Variants in ACOX1 observed in about 807,000 individuals in gnomAD.
ACOX1 encodes acyl-CoA oxidase 1.
Under a neutral mutation model 75.5 loss-of-function variants are expected in ACOX1, and 41 were observed. That is an observed-to-expected ratio of 0.54 (90% confidence interval 0.42 to 0.70). The LOEUF (loss-of-function observed/expected upper bound fraction) is 0.70, where lower values mean the gene tolerates loss of function less well. Among genes scored for constraint, ACOX1 ranks in the 30% least tolerant of loss-of-function variants. ACOX1 has a pLI of 0.00. For synonymous variants in ACOX1, 303 were observed against 298.8 expected (o/e 1.01, Z -0.15); for missense variants, 630 against 837.5 (o/e 0.75, Z 3.06).
intron 2 of ACOX1, among the ~76,000 whole-genome samples, chr17:75,971,679 T>C (rs1598199123): frequency 1.3e-5 from 2 of 150,720 alleles, no homozygotes; most frequent in South Asian, 2.1e-4. Context: ...GAGGTGGAGG[T>C]TGCAGTGAGC....
At chr17:75,946,866 TTTTG>T (rs979943145) in intron 13 of ACOX1, 71 bp from the exon 14 acceptor site, 56 of 1,439,536 alleles carry the variant, frequency 3.9e-5, no homozygotes, top group Admixed American at 1.8e-5. Flanking sequence ...TGTTTTTTGT[TTTTG>T]TTTTTGTTTT....
chr17:75,974,828 C>T (rs920914505), intron 2 of ACOX1, among the ~76,000 whole-genome samples: 4 of 144,434 alleles, frequency 2.8e-5, no homozygotes, highest in South Asian at 4.5e-4. Flanking sequence ...GTCAGGAGAT[C>T]GAGACCATCA....
intron 2 of ACOX1, among the ~76,000 whole-genome samples, chr17:75,969,433 T>C (rs749493873): frequency 1.3e-5 from 2 of 152,220 alleles, no homozygotes; most frequent in Non-Finnish European, 2.9e-5. Flanking sequence ...CCCAAAGTGC[T>C]GGGATTACAG....
At chr17:75,963,580 T>A (rs930617918) in intron 2 of ACOX1, among the ~76,000 whole-genome samples, 5 of 151,626 alleles carry the variant, frequency 3.3e-5, no homozygotes, top group Admixed American at 3.3e-4. Flanking sequence ...CAGCCTCTAA[T>A]CCCAGCTACT....
At position 75,949,292 on chromosome 17, in the gene ACOX1, A is replaced by G. The variant is rs763887291; in HGVS notation, c.1653T>C (p.Ile551=). 1.9e-6 allele frequency: 3 copies of G among 1,614,046 alleles called. No homozygotes were observed. The highest frequency in any genetic ancestry group is 2.5e-6 in the Non-Finnish European group (3 of 1,180,004). Residue 551 remains isoleucine (I), a synonymous_variant, in exon 12 of 14, where the codon ATT becomes ATC. Transcript: ENST00000293217. The part of the protein sequence containing the change: ...EKLLKIQDKA[I]QAVLRSLCLL... ...GACATAAACTCCTTAAGACAGCTTGAATGGCTTTATCTTGAATTTTGAGGA... is the reference window on the plus strand; with the variant it reads ...GACATAAACTCCTTAAGACAGCTTGGATGGCTTTATCTTGAATTTTGAGGA...
chr17:75,972,792 T>C (rs182593358), intron 2 of ACOX1, among the ~76,000 whole-genome samples: 7 of 152,024 alleles, frequency 4.6e-5, no homozygotes, highest in African/African-American at 7.2e-5. Context: ...AAAGCTGCAG[T>C]ACCCATGGAG....
chr17:75,977,066 C>T (rs1019033714), intron 2 of ACOX1, among the ~76,000 whole-genome samples: 21 of 132,842 alleles, frequency 1.6e-4, no homozygotes, highest in Admixed American at 1.1e-3. Context: ...GGCGTGATCT[C>T]GGCTCAGTGC....
In ACOX1 at chr17:75,948,334, CA is replaced by C. The variant is rs797045080; in HGVS notation, c.1851del (p.Gly618AlafsTer24). 5.0e-6 allele frequency: 8 copies of C among 1,614,128 alleles called. No homozygotes were observed. The highest frequency in any genetic ancestry group is 6.8e-6 in the Non-Finnish European group (8 of 1,180,026). ...CCATCATAGCGGCCAAGCACAGAGC[CA>C]AGTGTCACATCCTGAAAATCAAATG... is the stretch of plus-strand genomic sequence containing the variant. ...VDAFDFQDVT[L>X]GSVLGRYDGN... is the part of the protein sequence containing the mutation. On this transcript the variant is annotated frameshift_variant, in exon 13 of 14. Coordinates refer to ENST00000293217, the MANE Select transcript of ACOX1 (RefSeq NM_004035.7). LOFTEE classifies it high-confidence loss of function.
At position 75,946,795 on chromosome 17, in the gene ACOX1, C is replaced by A; in HGVS notation, c.1936G>T (p.Val646Phe). ...AKNSPLNKAEVHESYKHLKSL... is the reference protein window; with the variant it reads ...AKNSPLNKAEFHESYKHLKSL... ...TTCAGGTGCTTGTAAGATTCGTGGA[C>A]CTGTGGGGAAAGGAGAGAGAAGAAC... The change falls in exon 14 of 14, where the codon GTC becomes TTC. Residue 646 changes from valine (V) to phenylalanine (F), a missense_variant and splice_region_variant. Coordinates refer to ENST00000293217, the MANE Select transcript of ACOX1 (RefSeq NM_004035.7). The A allele has an allele frequency of 3.7e-6, 6 of 1,613,528 alleles. No individual in the cohort carries two copies. Among genetic ancestry groups the A allele is most frequent in the Non-Finnish European group, 5.1e-6 (6 of 1,179,580 alleles).
chr17:75,974,920 G>A (rs1232831260), intron 2 of ACOX1, among the ~76,000 whole-genome samples: 2 of 151,220 alleles, frequency 1.3e-5, no homozygotes, highest in Non-Finnish European at 3.0e-5. Context: ...TGTGGTGGTG[G>A]GCTCCTGTAG....
At position 75,945,894 on chromosome 17, in the gene ACOX1, G is replaced by C. The variant is rs2065715817; in HGVS notation, c.*854C>G. The C allele has an allele frequency of 6.6e-6, 1 of 152,148 alleles. No individual in the cohort carries two copies. The highest frequency in any genetic ancestry group is 1.5e-5 in the Non-Finnish European group (1 of 68,012). 9.4% of individuals were successfully genotyped at this position (152,148 alleles called of 1,614,324 possible). A position where few individuals can be genotyped will look rare whatever the true frequency, so the allele number is the denominator to read the frequency against. On this transcript the variant is annotated 3_prime_UTR_variant, in exon 14 of 14. Transcript: ENST00000293217. The stretch of plus-strand genomic sequence containing the variant: ...GCTACGTCTGGGAGTGCTGACCTAA[G>C]TGACATTTTTTTTTAATGCCAAATA...
In ACOX1 at chr17:75,950,424, A is replaced by AT. The variant is rs1320593933; in HGVS notation, c.1298+349dup. 6.6e-6 allele frequency among the ~76,000 whole-genome samples: 1 copy of AT among 151,244 alleles called. No homozygotes were observed. The highest frequency in any genetic ancestry group is 1.5e-5 in the Non-Finnish European group (1 of 67,854). The stretch of plus-strand genomic sequence containing the variant: ...CATCATGCCCGGCTAATTTTTTTGT[A>AT]TTTTTTTAGTAGAGACACGGTTTCA... On this transcript the variant is annotated intron_variant, in intron 9 of 13. Transcript: ENST00000293217. The surrounding 1 kb of genome is among the most constrained non-coding windows in gnomAD (Gnocchi z 4.3).
chr17:75,967,732 A>G (rs949657785), intron 2 of ACOX1, among the ~76,000 whole-genome samples: 2 of 140,900 alleles, frequency 1.4e-5, no homozygotes, highest in African/African-American at 5.2e-5. Flanking sequence ...ATATATATAT[A>G]TACACGTATA....
intron 12 of ACOX1, among the ~76,000 whole-genome samples, chr17:75,948,969 C>T (rs953079672): frequency 6.6e-6 from 1 of 151,324 alleles, no homozygotes; most frequent in African/African-American, 2.4e-5. Flanking sequence ...AAATGATTCT[C>T]GTGCCTCAGC....
Position 75,978,950 on chromosome 17 carries a change from GC to G in ACOX1, c.109+14del. On this transcript the variant is annotated intron_variant, in intron 1 of 13. Transcript: ENST00000293217. The surrounding 1 kb of genome is among the most constrained non-coding windows in gnomAD (Gnocchi z 4.2). Reference sequence around the variant, plus strand: ...TTTCTCGGGAAAGGAGGGAGGTCTCGCCCGCCGCCCTCACCGATCTCTCGGC... The same window carrying G: ...TTTCTCGGGAAAGGAGGGAGGTCTCGCCGCCGCCCTCACCGATCTCTCGGC... 1 of 1,608,634 alleles carries G rather than the reference GC, an allele frequency of 6.2e-7. No individual in the cohort carries two copies.
At chr17:75,963,932 C>G (rs898845671) in intron 2 of ACOX1, among the ~76,000 whole-genome samples, 1 of 151,244 alleles carries the variant, frequency 6.6e-6, no homozygotes, top group African/African-American at 2.4e-5. Flanking sequence ...GCCTATAATC[C>G]CAGTACTTTG....
chr17:75,970,051 G>A (rs1598197419), intron 2 of ACOX1, among the ~76,000 whole-genome samples: 1 of 151,822 alleles, frequency 6.6e-6, no homozygotes, highest in East Asian at 1.9e-4. Context: ...CAGGTATGGT[G>A]GTGCACACCT....
intron 2 of ACOX1, among the ~76,000 whole-genome samples, chr17:75,967,707 C>CATATATATATACACAT (rs1173158432): frequency 3.3e-5 from 4 of 121,020 alleles, no homozygotes; most frequent in African/African-American, 1.3e-4. Context: ...CATATATATA[C>CATATATATATACACAT]ATATATATAT....
At chr17:75,975,907 G>C (rs1230014176) in intron 2 of ACOX1, among the ~76,000 whole-genome samples, 1 of 148,798 alleles carries the variant, frequency 6.7e-6, no homozygotes, top group South Asian at 2.2e-4. Flanking sequence ...GAAAGAGGAA[G>C]AGAAAGAGAA....
Sources: allele counts gnomAD v4.1 joint callset (sites outside exome capture counted in the v4.1 genomes callset), GRCh38; gene constraint gnomAD v4.1.1; non-coding constraint Gnocchi (gnomAD v3.1); transcripts MANE v1.5; gene names NCBI Gene and HGNC (gene_info 2026-07-23, HGNC 2026-07-21).